The following DPP10 variants were observed in gnomAD, a reference collection of about 807,000 sequenced individuals.
DPP10 encodes inactive dipeptidyl peptidase 10.
A neutral mutation model predicts 120.9 loss-of-function variants in DPP10; 33 were observed. That is an observed-to-expected ratio of 0.27 (90% CI 0.21 to 0.37). The LOEUF is 0.37. Among genes scored for constraint, DPP10 ranks in the 10% least tolerant of loss-of-function variants. The probability of loss-of-function intolerance (pLI) is 1.00; values close to 1 mark genes in which losing one functional copy is unlikely to be tolerated. For synonymous variants in DPP10, 337 were observed against 326.1 expected (o/e 1.03, Z -0.36); for missense variants, 816 against 942.8 (o/e 0.87, Z 1.76).
In DPP10 at chr2:115,001,771, C is replaced by A. The variant is rs570911268; in HGVS notation, c.61-307468C>A. 3.3e-5 allele frequency among the ~76,000 whole-genome samples: 5 copies of A among 152,222 alleles called. No homozygotes were observed. In the South Asian group the frequency reaches 1.0e-3, roughly 32 times the overall value. On this transcript the variant is annotated intron_variant, in intron 1 of 25. Coordinates refer to ENST00000410059, the MANE Select transcript of DPP10 (RefSeq NM_020868.6). The stretch of plus-strand genomic sequence containing the variant: ...CTGAGAGCCAAGTCAAGAATGCAAT[C>A]CTATTCACAATCACCACCAAAAGAA...
chr2:115,584,701 A>G (rs1034070360), intron 5 of DPP10, among the ~76,000 whole-genome samples: 4 of 152,128 alleles, frequency 2.6e-5, no homozygotes, highest in African/African-American at 7.2e-5. Flanking sequence ...CCTCCTTTCC[A>G]TGGTCTAGAG....
chr2:115,050,596 TG>T (rs1705398879), intron 1 of DPP10, among the ~76,000 whole-genome samples: 1 of 152,154 alleles, frequency 6.6e-6, no homozygotes, highest in Non-Finnish European at 1.5e-5. Context: ...GATGAAAGGC[TG>T]GAGATTGAAA....
chr2:114,504,944 C>T (rs759429157), intron 1 of DPP10, among the ~76,000 whole-genome samples: 16 of 147,142 alleles, frequency 1.1e-4, no homozygotes, highest in Non-Finnish European at 1.9e-4. Flanking sequence ...CCCAGCTACT[C>T]GGGAGGCTGA....
intron 1 of DPP10, among the ~76,000 whole-genome samples, chr2:114,937,697 A>T (rs1428736995): frequency 1.3e-5 from 2 of 152,112 alleles, no homozygotes; most frequent in Admixed American, 6.6e-5. Context: ...CTCCAGGAAG[A>T]TCTGGGCTGG....
chr2:115,385,821 A>G (rs1026399611), intron 3 of DPP10, among the ~76,000 whole-genome samples: 5 of 152,200 alleles, frequency 3.3e-5, no homozygotes, highest in Admixed American at 6.5e-5. Context: ...GTCTTTTGCT[A>G]TAAGAGTATG....
chr2:114,692,822 T>C (rs1188282911), intron 1 of DPP10, among the ~76,000 whole-genome samples: 2 of 152,130 alleles, frequency 1.3e-5, no homozygotes, highest in Admixed American at 1.3e-4. Context: ...TTGAACCCTT[T>C]ACAATTATGT....
At chr2:115,452,971 A>G (rs13029196) in intron 3 of DPP10, among the ~76,000 whole-genome samples, 3,288 of 151,884 alleles carry the variant, frequency 0.022, 63 homozygotes, top group Non-Finnish European at 0.034. Context: ...CTTACCTTTC[A>G]CTACGTAAGG....
chr2:115,121,954 T>C lies in DPP10; in HGVS notation c.61-187285T>C, dbSNP rs1354483275. Among the ~76,000 whole-genome samples, 4 of 152,324 alleles carry C rather than the reference T, an allele frequency of 2.6e-5. No individual in the cohort carries two copies. The East Asian group carries it at 5.8e-4, about 22-fold the overall frequency. ...ATTTTTGCTTTAAGATTTGGGGGGA[T>C]CAAAATTTTCCCAGGTTTGGGTATG... On this transcript the variant is annotated intron_variant, in intron 1 of 25. Transcript: ENST00000410059.
At chr2:115,079,099 G>C (rs1428507490) in intron 1 of DPP10, among the ~76,000 whole-genome samples, 1 of 152,148 alleles carries the variant, frequency 6.6e-6, no homozygotes, top group Non-Finnish European at 1.5e-5. Context: ...AGAAATCCTC[G>C]GCCGGGCGCG....
intron 1 of DPP10, among the ~76,000 whole-genome samples, chr2:115,096,599 G>T (rs1265407072): frequency 3.3e-5 from 5 of 151,712 alleles, no homozygotes; most frequent in Non-Finnish European, 7.4e-5. Context: ...TTTACAATAG[G>T]GTTTTATCCC....
intron 1 of DPP10, among the ~76,000 whole-genome samples, chr2:114,658,639 A>G (rs1697146381): frequency 1.3e-5 from 2 of 152,304 alleles, no homozygotes; most frequent in South Asian, 4.1e-4. Context: ...GATCACACAT[A>G]TAAGACTGCA....
At chr2:115,541,791 T>A (rs2079185636) in intron 5 of DPP10, among the ~76,000 whole-genome samples, 1 of 151,918 alleles carries the variant, frequency 6.6e-6, no homozygotes, top group African/African-American at 2.4e-5. Flanking sequence ...AAACAAATGA[T>A]AATCCCTTGC....
chr2:115,231,523 G>T (rs181093796), intron 1 of DPP10, among the ~76,000 whole-genome samples: 1 of 152,058 alleles, frequency 6.6e-6, no homozygotes, highest in Non-Finnish European at 1.5e-5. Flanking sequence ...CTTAGTCCAA[G>T]TACCTTATTT....
intron 1 of DPP10, among the ~76,000 whole-genome samples, chr2:115,039,462 A>G (rs1001707898): frequency 6.6e-6 from 1 of 152,110 alleles, no homozygotes; most frequent in Non-Finnish European, 1.5e-5. Flanking sequence ...TGTTTCTGAG[A>G]GAGTTTGTAG....
intron 5 of DPP10, among the ~76,000 whole-genome samples, chr2:115,660,987 TC>T (rs11341371): frequency 0.88 from 133,621 of 151,900 alleles, 61,077 homozygotes; most frequent in Non-Finnish European, 1. Context: ...TATTTCTCTG[TC>T]CACCCAGGCT....
intron 3 of DPP10, among the ~76,000 whole-genome samples, chr2:115,470,899 C>T (rs1420848416): frequency 6.6e-6 from 1 of 152,152 alleles, no homozygotes; most frequent in Non-Finnish European, 1.5e-5. Context: ...TTACTGCCCT[C>T]ATGACATAAT....
chr2:115,480,451 T>G (rs2075360175), intron 3 of DPP10, among the ~76,000 whole-genome samples: 1 of 152,086 alleles, frequency 6.6e-6, no homozygotes, highest in South Asian at 2.1e-4. Flanking sequence ...ACTTAACAAG[T>G]AGTTTATTGA....
chr2:115,452,222 T>G (rs1486957539), intron 3 of DPP10, among the ~76,000 whole-genome samples: 3 of 151,966 alleles, frequency 2.0e-5, no homozygotes, highest in East Asian at 1.9e-4. Context: ...CCTACTTTGC[T>G]TAATCCTAAG....
intron 1 of DPP10, among the ~76,000 whole-genome samples, chr2:114,759,607 TCTTA>T (rs1473828742): frequency 6.6e-6 from 1 of 152,152 alleles, no homozygotes; most frequent in Non-Finnish European, 1.5e-5. Flanking sequence ...CCTCTGTCTA[TCTTA>T]CTTCACAACC....
Sources: gnomAD v4.1 joint callset for allele counts (sites outside exome capture counted in the v4.1 genomes callset) on GRCh38, gnomAD v4.1.1 for gene constraint, MANE v1.5 for transcripts, NCBI Gene and HGNC (gene_info 2026-07-23, HGNC 2026-07-21) for gene names.